Variants in MACROH2A2 observed in about 807,000 individuals in gnomAD.
The protein encoded by MACROH2A2 is macroH2A.2 histone.
Under a neutral mutation model 37.6 loss-of-function variants are expected in MACROH2A2, and 6 were observed. The ratio of observed to expected loss-of-function variants is 0.16; its 90% CI spans 0.09 to 0.32. The LOEUF (loss-of-function observed/expected upper bound fraction) is 0.32, where lower values mean the gene tolerates loss of function less well. Among genes scored for constraint, MACROH2A2 ranks in the 10% least tolerant of loss-of-function variants. MACROH2A2 has a pLI of 1.00. For missense variants in MACROH2A2, 290 were observed against 485.9 expected, an observed-to-expected ratio of 0.60 and a Z score of 3.79; for synonymous variants, 192 against 202.7, an observed-to-expected ratio of 0.95 and a Z score of 0.45.
At chr10:70,072,147 AT>A (rs2072114694) in intron 1 of MACROH2A2, among the ~76,000 whole-genome samples, 1 of 152,110 alleles carries the variant, frequency 6.6e-6, no homozygotes, top group African/African-American at 2.4e-5. Context: ...ACACAAATAC[AT>A]TGCACAGCTA....
At chr10:70,060,993 A>AAAAAGAAAT (rs2072047389) in intron 1 of MACROH2A2, among the ~76,000 whole-genome samples, 1 of 152,088 alleles carries the variant, frequency 6.6e-6, no homozygotes, top group Non-Finnish European at 1.5e-5. Context: ...AAAAAAAAGA[A>AAAAAGAAAT]AAAAGAAATA....
At chr10:70,093,153 G>A (rs2072256299) in intron 4 of MACROH2A2, among the ~76,000 whole-genome samples, 1 of 152,144 alleles carries the variant, frequency 6.6e-6, no homozygotes, top group African/African-American at 2.4e-5. Context: ...GGAATTATAA[G>A]TGTGAGCTAA....
chr10:70,108,081 G>A (rs961203029), intron 7 of MACROH2A2, among the ~76,000 whole-genome samples: 2 of 152,046 alleles, frequency 1.3e-5, no homozygotes, highest in African/African-American at 4.8e-5. Flanking sequence ...ATTAGCACAT[G>A]CCTGTAATCC....
rs747629838 is a variant in MACROH2A2, at chr10:70,075,709, T to C, written c.51T>C (p.Ala17=). ...AAATGTCCAAGCTGTCCCGTTCAGC[T>C]AGGGCAGGTGTCATCTTTCCAGTGG... The part of the protein sequence containing the change: ...KKKMSKLSRS[A]RAGVIFPVGR... The change falls in exon 2 of 9, where the codon GCT becomes GCC. Residue 17 remains alanine (A), a synonymous_variant. Coordinates refer to ENST00000373255, the MANE Select transcript of MACROH2A2 (RefSeq NM_018649.3). The surrounding 1 kb of genome is among the most constrained non-coding windows in gnomAD (Gnocchi z 5.0). 6.2e-7 allele frequency: 1 copy of C among 1,614,174 alleles called. No individual in the cohort carries two copies. The highest frequency in any genetic ancestry group is 1.7e-5 in the Admixed American group (1 of 60,026).
At chr10:70,103,909 A>T (rs1174345531) in intron 7 of MACROH2A2, among the ~76,000 whole-genome samples, 1 of 152,364 alleles carries the variant, frequency 6.6e-6, no homozygotes, top group East Asian at 1.9e-4. Flanking sequence ...CAAAAGATGT[A>T]CAATTTCAGA....
intron 2 of MACROH2A2, among the ~76,000 whole-genome samples, chr10:70,079,202 C>T (rs564626602): frequency 6.6e-6 from 1 of 151,862 alleles, no homozygotes; most frequent in Non-Finnish European, 1.5e-5. Flanking sequence ...GGTTGTCAAC[C>T]CTGCATTTTC....
At chr10:70,080,905 A>C (rs1364312642) in intron 2 of MACROH2A2, among the ~76,000 whole-genome samples, 1 of 148,432 alleles carries the variant, frequency 6.7e-6, no homozygotes, top group Non-Finnish European at 1.5e-5. Flanking sequence ...AAAAAAAAAA[A>C]AAAAAAAACC....
intron 7 of MACROH2A2, among the ~76,000 whole-genome samples, chr10:70,101,198 TCAAA>T (rs1483884829): frequency 1.3e-5 from 2 of 152,114 alleles, no homozygotes; most frequent in African/African-American, 2.4e-5. Context: ...TTATTGGTGA[TCAAA>T]CAAAGAAACA....
intron 5 of MACROH2A2, among the ~76,000 whole-genome samples, chr10:70,094,807 A>G (rs2072265056): frequency 6.6e-6 from 1 of 152,210 alleles, no homozygotes; most frequent in Non-Finnish European, 1.5e-5. Context: ...TCCCAATGGT[A>G]GCCCCAAGAC....
intron 6 of MACROH2A2, chr10:70,099,067 T>A: frequency 6.6e-6 from 1 of 152,362 alleles, no homozygotes; most frequent in Non-Finnish European, 1.5e-5. Flanking sequence ...TTACCCGGCC[T>A]TCTCCAGGCT....
intron 1 of MACROH2A2, among the ~76,000 whole-genome samples, chr10:70,064,719 G>A (rs967686651): frequency 1.4e-4 from 22 of 152,166 alleles, no homozygotes; most frequent in Admixed American, 1.0e-3. Flanking sequence ...TCTTGCTGCT[G>A]CCATGTAAGA....
At chr10:70,092,921 A>G (rs1270361682) in intron 4 of MACROH2A2, among the ~76,000 whole-genome samples, 3 of 152,130 alleles carry the variant, frequency 2.0e-5, no homozygotes, top group African/African-American at 7.2e-5. Flanking sequence ...AGCTTGATAT[A>G]CTAGGTAGCT....
intron 1 of MACROH2A2, among the ~76,000 whole-genome samples, chr10:70,070,693 A>C (rs1044613543): frequency 2.6e-5 from 4 of 151,946 alleles, no homozygotes; most frequent in African/African-American, 9.7e-5. Context: ...GGGTTTCATC[A>C]TGTTGCCCAG....
At chr10:70,054,894 C>G (rs1459659436) in intron 1 of MACROH2A2, among the ~76,000 whole-genome samples, 1 of 152,174 alleles carries the variant, frequency 6.6e-6, no homozygotes. Flanking sequence ...CTGGTTTTTC[C>G]TATCCTACCA....
At chr10:70,106,286 G>A (rs1309331043) in intron 7 of MACROH2A2, among the ~76,000 whole-genome samples, 1 of 152,194 alleles carries the variant, frequency 6.6e-6, no homozygotes, top group Non-Finnish European at 1.5e-5. Context: ...GTGGATAGGT[G>A]CTTATACCAA....
rs1337901936 is a variant in MACROH2A2 at position 70,108,265 on chromosome 10, G to A, written c.779-768G>A. 3.3e-5 allele frequency among the ~76,000 whole-genome samples: 5 copies of A among 152,218 alleles called. No individual in the cohort carries two copies. The South Asian group carries it at 6.2e-4, about 19-fold the overall frequency. ...AAAGCCACTGTATTCATTTCCTGTG[G>A]CTACTGTAACAAATTACCACAAAGT... On this transcript the variant is annotated intron_variant, in intron 7 of 8. Coordinates refer to ENST00000373255, the MANE Select transcript of MACROH2A2 (RefSeq NM_018649.3).
chr10:70,063,100 A>C (rs77768094), intron 1 of MACROH2A2, among the ~76,000 whole-genome samples: 1 of 137,408 alleles, frequency 7.3e-6, no homozygotes, highest in Admixed American at 9.1e-5. Flanking sequence ...CACAGTTTAC[A>C]AAAAAAAAAA....
chr10:70,056,980 T>C (rs879917696), intron 1 of MACROH2A2, among the ~76,000 whole-genome samples: 6 of 152,136 alleles, frequency 3.9e-5, no homozygotes, highest in Non-Finnish European at 8.8e-5. Flanking sequence ...ATCTTGAAGA[T>C]AGAATTTTTT....
chr10:70,055,585 G>A (rs2072010657), intron 1 of MACROH2A2, among the ~76,000 whole-genome samples: 1 of 152,140 alleles, frequency 6.6e-6, no homozygotes, highest in African/African-American at 2.4e-5. Flanking sequence ...CTCTCATAAA[G>A]CTTACAACCC....
Sources: allele counts gnomAD v4.1 joint callset (sites outside exome capture counted in the v4.1 genomes callset), GRCh38; gene constraint gnomAD v4.1.1; non-coding constraint Gnocchi (gnomAD v3.1); transcripts MANE v1.5; gene names NCBI Gene and HGNC (gene_info 2026-07-23, HGNC 2026-07-21).